The following GALNT13 variants were observed in gnomAD, a reference collection of about 807,000 sequenced individuals.
GALNT13 encodes the protein polypeptide N-acetylgalactosaminyltransferase 13.
In GALNT13, 28 loss-of-function variants were observed where a neutral mutation model predicts 64.2. The ratio of observed to expected loss-of-function variants is 0.44; its 90% CI spans 0.32 to 0.60. The LOEUF (loss-of-function observed/expected upper bound fraction) is 0.60. GALNT13 is among the 20% of genes least tolerant of loss of function. GALNT13 has a pLI of 0.05. For synonymous variants in GALNT13, 214 were observed against 224.6 expected (o/e 0.95, Z 0.42); for missense variants, 577 against 669.8 (o/e 0.86, Z 1.53).
At chr2:154,144,535 T>C (rs1222266361) in intron 4 of GALNT13, among the ~76,000 whole-genome samples, 2 of 152,156 alleles carry the variant, frequency 1.3e-5, no homozygotes, top group African/African-American at 4.8e-5. Context: ...AAAACTTGAG[T>C]TGATACTTAG....
At chr2:153,833,694 A>G in the GALNT13 span, among the ~76,000 whole-genome samples, 1 of 152,266 alleles carries the variant, frequency 6.6e-6, no homozygotes, top group African/African-American at 2.4e-5. Context: ...TGAATCTTTC[A>G]TAGACAAGGG....
intron 3 of GALNT13, among the ~76,000 whole-genome samples, chr2:153,958,046 T>G (rs901803733): frequency 4.6e-5 from 7 of 152,236 alleles, no homozygotes; most frequent in Admixed American, 1.3e-4. Context: ...AGGTATCTCC[T>G]GCAATGGACA....
At chr2:153,112,061 A>G in the GALNT13 span, among the ~76,000 whole-genome samples, 1 of 152,132 alleles carries the variant, frequency 6.6e-6, no homozygotes, top group African/African-American at 2.4e-5. Flanking sequence ...CCTGGATTAC[A>G]GTACTGTTAG....
the GALNT13 span, among the ~76,000 whole-genome samples, chr2:153,341,683 A>G: frequency 6.6e-4 from 101 of 152,224 alleles, 1 homozygote; most frequent in African/African-American, 2.3e-3. Flanking sequence ...TGCACAGAAT[A>G]CTCACCTTCT....
chr2:154,456,442 GC>G (rs1702033871), downstream of GALNT13, among the ~76,000 whole-genome samples: 1 of 151,720 alleles, frequency 6.6e-6, no homozygotes, highest in African/African-American at 2.4e-5. Flanking sequence ...GGTATATATT[GC>G]CTTTTTGGAA....
rs970692140 is a variant in GALNT13, at chr2:154,223,555, G to A, written c.312-18475G>A. Among the ~76,000 whole-genome samples, 15 of 149,588 alleles carry A rather than the reference G, an allele frequency of 1.0e-4. 2 individuals carry two copies. In the South Asian group the frequency reaches 2.1e-3, roughly 21 times the overall value. ...CAACCTCCGCCTCCTGGGTTCAAGC[G>A]ATTCTCCTGCCTCAGCCTCCTGAGT... On this transcript the variant is annotated intron_variant, in intron 4 of 12. Transcript: ENST00000392825.
At chr2:153,262,282 A>T in the GALNT13 span, among the ~76,000 whole-genome samples, 1 of 152,162 alleles carries the variant, frequency 6.6e-6, no homozygotes, top group Non-Finnish European at 1.5e-5. Flanking sequence ...ATTCATCGGC[A>T]GTTGATGAAT....
At chr2:153,599,475 G>C in the GALNT13 span, among the ~76,000 whole-genome samples, 1 of 151,914 alleles carries the variant, frequency 6.6e-6, no homozygotes, top group Non-Finnish European at 1.5e-5. Flanking sequence ...CACTTATGAG[G>C]GAGAACAATC....
In GALNT13 at chr2:154,336,827, C is replaced by T. The variant is rs114452129; in HGVS notation, c.1156+35238C>T. The stretch of plus-strand genomic sequence containing the variant: ...ACTAGTTAACTTAGCACTCTCTCTG[C>T]AGTGGGACTTCTTGACTACAAGGTC... On this transcript the variant is annotated intron_variant, in intron 9 of 12. Coordinates refer to ENST00000392825, the MANE Select transcript of GALNT13 (RefSeq NM_052917.4). 7.8e-3 allele frequency among the ~76,000 whole-genome samples: 1,183 copies of T among 152,146 alleles called. 13 individuals are homozygous for T. Among genetic ancestry groups the T allele is most frequent in the African/African-American group, 0.027 (1,126 of 41,534 alleles).
At chr2:153,508,802 C>T in the GALNT13 span, among the ~76,000 whole-genome samples, 1 of 152,176 alleles carries the variant, frequency 6.6e-6, no homozygotes, top group African/African-American at 2.4e-5. Flanking sequence ...TGAGTCTCCG[C>T]AGGCTGCTCT....
At chr2:153,821,859 G>C in the GALNT13 span, among the ~76,000 whole-genome samples, 1 of 152,116 alleles carries the variant, frequency 6.6e-6, no homozygotes, top group Non-Finnish European at 1.5e-5. Flanking sequence ...GAAAAAGAGA[G>C]AGAAAATTCA....
chr2:153,933,544 G>A (rs1167355803), intron 2 of GALNT13, among the ~76,000 whole-genome samples: 1 of 151,908 alleles, frequency 6.6e-6, no homozygotes, highest in African/African-American at 2.4e-5. Context: ...TTTTAAGTGG[G>A]GTGTTTATCC....
chr2:154,111,798 C>T (rs1485443361), intron 3 of GALNT13, among the ~76,000 whole-genome samples: 1 of 152,136 alleles, frequency 6.6e-6, no homozygotes, highest in Non-Finnish European at 1.5e-5. Context: ...GTATTGTCAC[C>T]TAGTTGGCAT....
the GALNT13 span, among the ~76,000 whole-genome samples, chr2:153,216,317 T>C: frequency 6.6e-6 from 1 of 152,144 alleles, no homozygotes; most frequent in Admixed American, 6.5e-5. Flanking sequence ...TTCTCATGAG[T>C]AAATACCTAT....
chr2:153,370,465 T>C, the GALNT13 span: 1 of 152,078 alleles, frequency 6.6e-6, no homozygotes, highest in Non-Finnish European at 1.5e-5. Flanking sequence ...AAATAACATA[T>C]CACGAGTAAT....
chr2:153,697,983 T>C, the GALNT13 span, among the ~76,000 whole-genome samples: 1 of 152,194 alleles, frequency 6.6e-6, no homozygotes, highest in Non-Finnish European at 1.5e-5. Flanking sequence ...GAATTTCATA[T>C]CCGGCCAAAC....
intron 2 of GALNT13, among the ~76,000 whole-genome samples, chr2:153,913,311 A>G (rs530624358): frequency 1.5e-3 from 223 of 152,278 alleles, no homozygotes; most frequent in African/African-American, 5.1e-3. Flanking sequence ...GCATGCATCC[A>G]TGTCAACAGC....
At chr2:153,895,898 G>A (rs1277679986) in intron 1 of GALNT13, among the ~76,000 whole-genome samples, 1 of 150,900 alleles carries the variant, frequency 6.6e-6, no homozygotes, top group Non-Finnish European at 1.5e-5. Flanking sequence ...GCATGCCATA[G>A]CAACAGGATA....
chr2:153,680,569 A>C, the GALNT13 span, among the ~76,000 whole-genome samples: 3 of 151,904 alleles, frequency 2.0e-5, no homozygotes, highest in African/African-American at 7.2e-5. Context: ...TATATCTTTA[A>C]GAAATTTTGG....
Sources: allele counts gnomAD v4.1 joint callset (sites outside exome capture counted in the v4.1 genomes callset), GRCh38; gene constraint gnomAD v4.1.1; transcripts MANE v1.5; gene names NCBI Gene and HGNC (gene_info 2026-07-23, HGNC 2026-07-21).